Variants in FSTL1 observed in about 807,000 individuals in gnomAD.
FSTL1 encodes follistatin like 1.
In FSTL1, 24 loss-of-function variants were observed where a neutral mutation model predicts 45.9. The ratio of observed to expected loss-of-function variants is 0.52; its 90% CI spans 0.38 to 0.74. The LOEUF is 0.74. FSTL1 is among the 30% of genes least tolerant of loss of function. FSTL1 has a pLI of 0.00. For missense variants in FSTL1, 340 were observed against 381.8 expected, an observed-to-expected ratio of 0.89 and a Z score of 0.91; for synonymous variants, 120 against 137.6, an observed-to-expected ratio of 0.87 and a Z score of 0.89.
At chr3:120,428,333 T>A (rs1344306944) in intron 2 of FSTL1, among the ~76,000 whole-genome samples, 1 of 152,170 alleles carries the variant, frequency 6.6e-6, no homozygotes, top group Non-Finnish European at 1.5e-5. Context: ...TGAGACCATC[T>A]GATACAATGG....
At chr3:120,403,484 A>C in intron 7 of FSTL1, 130 bp from the exon 8 acceptor site, 4 of 606,356 alleles carry the variant, frequency 6.6e-6, no homozygotes, top group Non-Finnish European at 8.9e-6. Context: ...TAACTAAAAC[A>C]GCCTCTCTCT....
chr3:120,422,162 T>C (rs1937288979), intron 2 of FSTL1, among the ~76,000 whole-genome samples: 1 of 152,210 alleles, frequency 6.6e-6, no homozygotes, highest in South Asian at 2.1e-4. Context: ...GTGTACTGCC[T>C]GAGAAAATGC....
intron 6 of FSTL1, among the ~76,000 whole-genome samples, 164 bp from the exon 7 acceptor site, chr3:120,405,135 A>G (rs1936923707): frequency 6.6e-6 from 1 of 152,210 alleles, no homozygotes; most frequent in African/African-American, 2.4e-5. Flanking sequence ...TCCCTGGGAC[A>G]TGCAGAGAAG....
intron 3 of FSTL1, among the ~76,000 whole-genome samples, chr3:120,414,971 A>G (rs1209140414): frequency 2.0e-5 from 3 of 151,286 alleles, no homozygotes; most frequent in African/African-American, 7.3e-5. Flanking sequence ...TGTGAGAAAC[A>G]CCCAAGAATT....
intron 6 of FSTL1, among the ~76,000 whole-genome samples, chr3:120,408,210 C>T (rs1049880080): frequency 6.6e-6 from 1 of 152,192 alleles, no homozygotes; most frequent in Non-Finnish European, 1.5e-5. Context: ...TCTCCTGGCT[C>T]AGCACTATGA....
chr3:120,401,585 C>A, intron 9 of FSTL1, among the ~76,000 whole-genome samples: 1 of 146,794 alleles, frequency 6.8e-6, no homozygotes, highest in East Asian at 2.0e-4. Flanking sequence ...TTAAAATAAA[C>A]TTTTTTTTTT....
At chr3:120,432,988 T>C (rs1300555348) in intron 2 of FSTL1, among the ~76,000 whole-genome samples, 1 of 152,170 alleles carries the variant, frequency 6.6e-6, no homozygotes, top group Non-Finnish European at 1.5e-5. Context: ...CAGTTGCCAT[T>C]CAAATGAAAC....
At chr3:120,446,618 T>C (rs1937747764) in intron 2 of FSTL1, among the ~76,000 whole-genome samples, 1 of 152,244 alleles carries the variant, frequency 6.6e-6, no homozygotes, top group Non-Finnish European at 1.5e-5. Flanking sequence ...TTAGCTTTGT[T>C]AATAATACAA....
chr3:120,400,063 G>T, intron 9 of FSTL1, 104 bp from the exon 10 acceptor site: 1 of 781,586 alleles, frequency 1.3e-6, no homozygotes, highest in Non-Finnish European at 2.2e-6. Flanking sequence ...CATTTAACTT[G>T]TGGAAGGAGA....
chr3:120,442,302 G>A (rs1937639455), intron 2 of FSTL1, among the ~76,000 whole-genome samples: 1 of 152,184 alleles, frequency 6.6e-6, no homozygotes, highest in African/African-American at 2.4e-5. Context: ...GACAAGGCCA[G>A]AATTCAAACT....
intron 3 of FSTL1, 61 bp from the exon 4 acceptor site, chr3:120,412,044 C>G: frequency 7.1e-6 from 5 of 704,290 alleles, no homozygotes; most frequent in Non-Finnish European, 1.1e-5. Context: ...CAGACACACA[C>G]ACACACATAC....
In FSTL1 at chr3:120,414,693, C is replaced by G. The variant is rs552993059; in HGVS notation, c.168+1230G>C. 7.3e-5 allele frequency among the ~76,000 whole-genome samples: 11 copies of G among 151,720 alleles called. No homozygotes were observed. In the East Asian group the frequency reaches 2.1e-3, roughly 29 times the overall value. On this transcript the variant is annotated intron_variant, in intron 3 of 10. Transcript: ENST00000295633. The stretch of plus-strand genomic sequence containing the variant: ...ATCCTGTTGATCTGTGACCTTACCC[C>G]CAACCCTGTGCTCTCTGAAACATAT...
chr3:120,397,443 T>C (rs1181427082), intron 10 of FSTL1, among the ~76,000 whole-genome samples: 1 of 152,198 alleles, frequency 6.6e-6, no homozygotes, highest in African/African-American at 2.4e-5. Context: ...TGTCTCAATG[T>C]CTTCAACTGC....
chr3:120,446,468 T>G (rs546491792), intron 2 of FSTL1, among the ~76,000 whole-genome samples: 143 of 152,346 alleles, frequency 9.4e-4, no homozygotes, highest in South Asian at 1.9e-3. Flanking sequence ...CTATGCTGGG[T>G]GCTTGCCCTT....
chr3:120,412,828 GCGCGCGCGCGCACA>G (rs1178141923), intron 3 of FSTL1, among the ~76,000 whole-genome samples: 917 of 67,472 alleles, frequency 0.014, 10 homozygotes, highest in African/African-American at 0.038. Flanking sequence ...GTGCGCGCGC[GCGCGCGCGCGCACA>G]CACACACACA....
At chr3:120,411,819 T>A in intron 4 of FSTL1, 35 bp downstream of exon 4, 1 of 1,595,156 alleles carries the variant, frequency 6.3e-7, no homozygotes, top group Non-Finnish European at 8.6e-7. Flanking sequence ...TCCCCGTGGC[T>A]AAAGCTGCCT....
In FSTL1 at chr3:120,395,891, T is replaced by C. The variant is rs1359569711; in HGVS notation, c.*1061A>G. On this transcript the variant is annotated 3_prime_UTR_variant, in exon 11 of 11. Transcript: ENST00000295633. ...TAGGCTGGGATATCCTAAGCCCTGC[T>C]TGGCTGCCCTTGTCGCCATCCTTGG... The C allele has an allele frequency of 2.9e-6, 1 of 340,986 alleles. No individual in the cohort carries two copies. Among genetic ancestry groups the C allele is most frequent in the Admixed American group, 4.2e-5 (1 of 24,094 alleles). The allele number at this position is 340,986 out of a possible 1,614,324, so 21.1% of individuals were successfully genotyped here. A position where few individuals can be genotyped will look rare whatever the true frequency, so the allele number is the denominator to read the frequency against.
At chr3:120,427,682 G>C (rs1212563954) in intron 2 of FSTL1, among the ~76,000 whole-genome samples, 1 of 152,232 alleles carries the variant, frequency 6.6e-6, no homozygotes, top group Admixed American at 6.5e-5. Context: ...GTTTGTGCAT[G>C]TGTGTGCATG....
At chr3:120,435,093 C>T (rs1013494795) in intron 2 of FSTL1, among the ~76,000 whole-genome samples, 3 of 152,074 alleles carry the variant, frequency 2.0e-5, no homozygotes, top group Non-Finnish European at 2.9e-5. Context: ...GTTGCAGGCA[C>T]CTGTAATCCC....
Sources: allele counts gnomAD v4.1 joint callset (sites outside exome capture counted in the v4.1 genomes callset), GRCh38; gene constraint gnomAD v4.1.1; transcripts MANE v1.5; gene names NCBI Gene and HGNC (gene_info 2026-07-23, HGNC 2026-07-21).